TENM2: variants seen among roughly 807,000 people sequenced by gnomAD.
TENM2 encodes the protein teneurin transmembrane protein 2.
Under a neutral mutation model 245.2 loss-of-function variants are expected in TENM2, and 52 were observed. The ratio of observed to expected loss-of-function variants is 0.21; its 90% CI spans 0.17 to 0.27. TENM2 has a LOEUF of 0.27. Among genes scored for constraint, TENM2 ranks in the 10% least tolerant of loss-of-function variants. TENM2 has a pLI of 1.00. For synonymous variants in TENM2, 1,363 were observed against 1,438.9 expected, an observed-to-expected ratio of 0.95 and a Z score of 1.19; for missense variants, 3,046 against 3,666.8, an observed-to-expected ratio of 0.83 and a Z score of 4.37.
chr5:167,403,317 G>C (rs1459204546), intron 2 of TENM2, among the ~76,000 whole-genome samples: 2 of 92,824 alleles, frequency 2.2e-5, no homozygotes, highest in East Asian at 2.9e-4. Context: ...ATTTTTGGTA[G>C]TAAAAAAAAA....
At chr5:168,227,706 G>A (rs1033527459) in intron 24 of TENM2, among the ~76,000 whole-genome samples, 189 bp from the exon 27 acceptor site, 2 of 151,854 alleles carry the variant, frequency 1.3e-5, no homozygotes, top group Admixed American at 6.6e-5. Context: ...TTTTCTTTAC[G>A]TGGATCAGTA....
At chr5:167,465,905 A>C (rs1766623511) in intron 2 of TENM2, among the ~76,000 whole-genome samples, 2 of 152,134 alleles carry the variant, frequency 1.3e-5, no homozygotes, top group South Asian at 4.2e-4. Flanking sequence ...GATGTATGGG[A>C]TGTATCAGTA....
chr5:167,750,376 C>G (rs1311050315), intron 2 of TENM2, among the ~76,000 whole-genome samples: 3 of 152,100 alleles, frequency 2.0e-5, no homozygotes, highest in African/African-American at 7.2e-5. Context: ...CTCCTTGACT[C>G]TTGATATCCT....
the TENM2 span, among the ~76,000 whole-genome samples, chr5:167,267,858 T>A: frequency 6.6e-6 from 1 of 152,332 alleles, no homozygotes; most frequent in Non-Finnish European, 1.5e-5. Flanking sequence ...GTACATTTTT[T>A]AATCTTTTCT....
At chr5:167,431,940 CATATATATGTATATATATATGT>C (rs1208057019) in intron 2 of TENM2, among the ~76,000 whole-genome samples, 56 of 65,858 alleles carry the variant, frequency 8.5e-4, no homozygotes, top group Admixed American at 8.1e-3. Flanking sequence ...TATATATATA[CATATATATGTATATATATATGT>C]ATATATATAT....
chr5:167,245,088 T>C, the TENM2 span, among the ~76,000 whole-genome samples: 2 of 152,228 alleles, frequency 1.3e-5, no homozygotes, highest in Non-Finnish European at 2.9e-5. Flanking sequence ...TTAATTCCTC[T>C]GCTGGTTTCC....
Position 167,391,647 on chromosome 5 carries a change from A to AAAT in TENM2, c.502+16174_502+16175insAAT, listed in dbSNP as rs70976420. On this transcript the variant is annotated intron_variant, in intron 2 of 28. Coordinates refer to ENST00000518659, the Ensembl canonical transcript of TENM2. ...CAAAAAAAAAAAAAAAAAAAAAAAA[A>AAAT]GCACTCTCAAGGATTTCTAACTTTA... 1.4e-3 allele frequency among the ~76,000 whole-genome samples: 175 copies of AAAT among 126,852 alleles called. 7 individuals are homozygous for AAAT. Among genetic ancestry groups the AAAT allele is most frequent in the Non-Finnish European group, 1.6e-3 (101 of 63,634 alleles). The allele number at this position is 126,852 out of a possible 152,430, so 83.2% of individuals were successfully genotyped here. A position where few individuals can be genotyped will look rare whatever the true frequency, so the allele number is the denominator to read the frequency against.
the TENM2 span, among the ~76,000 whole-genome samples, chr5:167,073,372 G>A: frequency 6.6e-6 from 1 of 152,124 alleles, no homozygotes; most frequent in African/African-American, 2.4e-5. Context: ...TGGAATCATA[G>A]CTACAATTTT....
the TENM2 span, among the ~76,000 whole-genome samples, chr5:167,033,046 CAGTG>C: frequency 6.6e-6 from 1 of 152,096 alleles, no homozygotes; most frequent in Non-Finnish European, 1.5e-5. Flanking sequence ...GGGAAAACGT[CAGTG>C]AGAGACAGAA....
intron 2 of TENM2, among the ~76,000 whole-genome samples, chr5:167,422,366 T>C (rs952535635): frequency 6.6e-6 from 1 of 152,180 alleles, no homozygotes; most frequent in Non-Finnish European, 1.5e-5. Context: ...CCAGGAGATC[T>C]AGTTATTCAT....
At chr5:167,636,424 T>C (rs1024522491) in intron 2 of TENM2, among the ~76,000 whole-genome samples, 1 of 152,244 alleles carries the variant, frequency 6.6e-6, no homozygotes, top group African/African-American at 2.4e-5. Context: ...TGTAGACTTT[T>C]AAAAATATTG....
chr5:168,156,671 G>T (rs746097807), intron 12 of TENM2, among the ~76,000 whole-genome samples: 1 of 151,570 alleles, frequency 6.6e-6, no homozygotes, highest in Non-Finnish European at 1.5e-5. Context: ...CCTAATTTTT[G>T]TTAAGGCAAA....
At chr5:167,578,125 G>A (rs917786918) in intron 2 of TENM2, among the ~76,000 whole-genome samples, 7 of 152,174 alleles carry the variant, frequency 4.6e-5, no homozygotes, top group African/African-American at 1.7e-4. Flanking sequence ...GTAGCTTTAG[G>A]GGAGTTGCGG....
chr5:167,210,719 T>A, the TENM2 span, among the ~76,000 whole-genome samples: 1 of 152,078 alleles, frequency 6.6e-6, no homozygotes, highest in Non-Finnish European at 1.5e-5. Context: ...CGCCTCGGCC[T>A]CCCAAAGTGC....
At chr5:167,688,401 C>T (rs763088166) in intron 2 of TENM2, among the ~76,000 whole-genome samples, 6 of 152,208 alleles carry the variant, frequency 3.9e-5, no homozygotes, top group Admixed American at 2.6e-4. Flanking sequence ...TAAATGATCC[C>T]CTATTGTTGG....
At chr5:167,328,220 T>C (rs2127784697) in intron 1 of TENM2, among the ~76,000 whole-genome samples, 1 of 149,620 alleles carries the variant, frequency 6.7e-6, no homozygotes, top group African/African-American at 2.5e-5. Flanking sequence ...TTTTTTTTTT[T>C]TTTTTTTGAT....
chr5:167,135,367 A>G, the TENM2 span, among the ~76,000 whole-genome samples: 1 of 152,252 alleles, frequency 6.6e-6, no homozygotes, highest in African/African-American at 2.4e-5. Flanking sequence ...TTATAGGTCC[A>G]TTGAGAGCAA....
intron 2 of TENM2, among the ~76,000 whole-genome samples, chr5:167,677,019 G>A (rs1238881855): frequency 6.6e-6 from 1 of 152,054 alleles, no homozygotes; most frequent in Non-Finnish European, 1.5e-5. Flanking sequence ...GGCACAAGGT[G>A]GTCAGTGGCC....
At chr5:167,452,961 A>ATATATATATATATATATATATATAT (rs1561968262) in intron 2 of TENM2, among the ~76,000 whole-genome samples, 2 of 77,090 alleles carry the variant, frequency 2.6e-5, no homozygotes, top group East Asian at 4.5e-4. Context: ...ATATATATAT[A>ATATATATATATATATATATATATAT]TTTAAAAAAA....
Sources: gnomAD v4.1 joint callset for allele counts (sites outside exome capture counted in the v4.1 genomes callset) on GRCh38, gnomAD v4.1.1 for gene constraint, MANE v1.5 for transcripts, NCBI Gene and HGNC (gene_info 2026-07-23, HGNC 2026-07-21) for gene names.